LINGO1: variants seen among roughly 807,000 people sequenced by gnomAD.
LINGO1 encodes the protein leucine-rich repeat and immunoglobulin-like domain-containing nogo receptor-interacting protein 1.
Under a neutral mutation model 37.3 loss-of-function variants are expected in LINGO1, and 11 were observed. That is an observed-to-expected ratio of 0.29 (90% CI 0.19 to 0.49). The LOEUF is 0.49. LINGO1 is among the 20% of genes least tolerant of loss of function. The probability of loss-of-function intolerance (pLI) is 0.99; values close to 1 mark genes in which losing one functional copy is unlikely to be tolerated. For missense variants in LINGO1, 585 were observed against 878.2 expected (o/e 0.67, Z 4.22); for synonymous variants, 387 against 403.0 (o/e 0.96, Z 0.48).
intron 1 of LINGO1, among the ~76,000 whole-genome samples, chr15:77,772,312 C>T (rs1266027557): frequency 1.3e-5 from 2 of 152,200 alleles, no homozygotes; most frequent in Non-Finnish European, 2.9e-5. Flanking sequence ...CCAACCTCAC[C>T]CACCAACCCT....
chr15:77,752,717 G>T (rs1299405666), intron 1 of LINGO1, among the ~76,000 whole-genome samples: 1 of 152,180 alleles, frequency 6.6e-6, no homozygotes, highest in Non-Finnish European at 1.5e-5. Context: ...CACTGTAGAG[G>T]GGAGGGGAAT....
chr15:77,815,578 G>A lies in LINGO1; in HGVS notation c.-458+4680C>T, dbSNP rs563547262. On this transcript the variant is annotated intron_variant, in intron 1 of 5. Coordinates refer to the LINGO1 transcript ENST00000562933. The stretch of plus-strand genomic sequence containing the variant: ...CTGAGGCAGACCCATGGGCCTCAGC[G>A]GCTTACTGAAGTGCACACAGTGGCA... Among the ~76,000 whole-genome samples, 14 of 152,238 alleles carry A rather than the reference G, an allele frequency of 9.2e-5. No homozygotes were observed. In the South Asian group the frequency reaches 1.7e-3, roughly 18 times the overall value.
At chr15:77,622,297 G>C (rs1331704316) in intron 1 of LINGO1, among the ~76,000 whole-genome samples, 2 of 152,066 alleles carry the variant, frequency 1.3e-5, no homozygotes, top group African/African-American at 4.8e-5. Context: ...AAGCAGAGTG[G>C]GGGGAGGGGA....
rs191513300 is a variant in LINGO1 at position 77,724,639 on chromosome 15, C to T, written c.-195+10353G>A. Among the ~76,000 whole-genome samples, 322 of 152,308 alleles carry T rather than the reference C, an allele frequency of 2.1e-3. 3 individuals carry two copies. Among genetic ancestry groups the T allele is most frequent in the African/African-American group, 7.3e-3 (303 of 41,550 alleles). The stretch of plus-strand genomic sequence containing the variant: ...GTGGAGATAATAAGGTCAGCACCCA[C>T]TTCATGGGCTATGGTGAGGAATGGA... On this transcript the variant is annotated intron_variant, in intron 2 of 3. Transcript: ENST00000561686.
chr15:77,711,867 T>C (rs1218821848), intron 2 of LINGO1, among the ~76,000 whole-genome samples: 10 of 141,824 alleles, frequency 7.1e-5, no homozygotes, highest in African/African-American at 2.3e-4. Context: ...TCTCTAGGCC[T>C]CTGTTCTCTC....
rs1017304074 is a variant in LINGO1 at position 77,676,575 on chromosome 15, A to C, written c.-13+514T>G. Among the ~76,000 whole-genome samples the C allele has an allele frequency of 2.6e-5, 4 of 152,156 alleles. No individual in the cohort carries two copies. The East Asian group carries it at 7.7e-4, about 29-fold the overall frequency. The stretch of plus-strand genomic sequence containing the variant: ...CACCACAGAGGGGGACTGAAAGTTG[A>C]GACAGGCTCGCTCCGGGTGCTGACG... On this transcript the variant is annotated intron_variant, in intron 3 of 3. Transcript: ENST00000559893.
At chr15:77,776,526 A>AGGGAGTAAGGGAGGG (rs1567577777) in intron 1 of LINGO1, among the ~76,000 whole-genome samples, 1 of 35,754 alleles carries the variant, frequency 2.8e-5, no homozygotes, top group African/African-American at 1.0e-4. Context: ...GGAAGGGAGG[A>AGGGAGTAAGGGAGGG]AGGGAGGGAG....
intron 2 of LINGO1, among the ~76,000 whole-genome samples, chr15:77,732,405 G>A (rs34828064): frequency 0.098 from 14,965 of 152,294 alleles, 796 homozygotes; most frequent in African/African-American, 0.13. Context: ...CCACCCCCGT[G>A]GTTCTGCTCC....
chr15:77,804,782 C>T (rs528274998), intron 1 of LINGO1, among the ~76,000 whole-genome samples: 1 of 152,322 alleles, frequency 6.6e-6, no homozygotes, highest in South Asian at 2.1e-4. Context: ...CTGGGCTGTC[C>T]CACACTGCTA....
At chr15:77,790,384 G>T (rs2076809055), upstream of LINGO1, among the ~76,000 whole-genome samples, 1 of 152,226 alleles carries the variant, frequency 6.6e-6, no homozygotes. Context: ...ATAAGGAGGA[G>T]ATGGGATGTA....
intron 1 of LINGO1, among the ~76,000 whole-genome samples, chr15:77,807,813 G>A (rs2076972436): frequency 6.6e-6 from 1 of 152,140 alleles, no homozygotes; most frequent in South Asian, 2.1e-4. Context: ...GCAACAGAGC[G>A]AGCGCCCGGC....
At chr15:77,629,280 T>G (rs918487638) in intron 1 of LINGO1, among the ~76,000 whole-genome samples, 1 of 149,026 alleles carries the variant, frequency 6.7e-6, no homozygotes, top group Non-Finnish European at 1.5e-5. Context: ...CCAGGGATAT[T>G]CATTCGTTCG....
At chr15:77,791,278 A>G (rs957116823), upstream of LINGO1, among the ~76,000 whole-genome samples, 1 of 152,150 alleles carries the variant, frequency 6.6e-6, no homozygotes, top group Non-Finnish European at 1.5e-5. Context: ...GCTGAGGATC[A>G]TGACATTGCT....
At chr15:77,787,633 C>T (rs1340987765), upstream of LINGO1, among the ~76,000 whole-genome samples, 1 of 152,104 alleles carries the variant, frequency 6.6e-6, no homozygotes, top group Non-Finnish European at 1.5e-5. Context: ...CTGCCAACCG[C>T]TGAGCGGAAA....
At chr15:77,714,272 T>C (rs1450170672) in intron 2 of LINGO1, among the ~76,000 whole-genome samples, 1 of 151,990 alleles carries the variant, frequency 6.6e-6, no homozygotes, top group East Asian at 1.9e-4. Flanking sequence ...ATGGTTACCA[T>C]TTTGACCTAG....
At chr15:77,801,691 A>G (rs2076920082) in intron 1 of LINGO1, among the ~76,000 whole-genome samples, 1 of 151,980 alleles carries the variant, frequency 6.6e-6, no homozygotes, top group Non-Finnish European at 1.5e-5. Flanking sequence ...CCATCCATTC[A>G]GCCCCATCCA....
chr15:77,728,543 C>A (rs963469387), intron 2 of LINGO1, among the ~76,000 whole-genome samples: 1 of 152,344 alleles, frequency 6.6e-6, no homozygotes, highest in Non-Finnish European at 1.5e-5. Context: ...AGCTCCAGCT[C>A]CAGCTTGGGG....
chr15:77,804,413 G>A (rs2076943103), intron 1 of LINGO1, among the ~76,000 whole-genome samples: 2 of 152,176 alleles, frequency 1.3e-5, no homozygotes, highest in African/African-American at 2.4e-5. Context: ...AGAAGTAGAT[G>A]GCCAGAGAGG....
Position 77,618,154 on chromosome 15 carries a change from G to A in LINGO1, c.7-2254C>T, listed in dbSNP as rs558933323. On this transcript the variant is annotated intron_variant, in intron 1 of 1. Coordinates refer to ENST00000355300, the MANE Select transcript of LINGO1 (RefSeq NM_032808.7). ...ATAGGACTTTTAGCATCCAGCTCAGGGCCAGGCTGGCGGGTGGGGGGAGCT... is the reference window on the plus strand; with the variant it reads ...ATAGGACTTTTAGCATCCAGCTCAGAGCCAGGCTGGCGGGTGGGGGGAGCT... 2.6e-5 allele frequency among the ~76,000 whole-genome samples: 4 copies of A among 152,366 alleles called. No individual in the cohort carries two copies. In the South Asian group the frequency reaches 8.3e-4, roughly 32 times the overall value.
Sources: allele counts gnomAD v4.1 joint callset (sites outside exome capture counted in the v4.1 genomes callset), GRCh38; gene constraint gnomAD v4.1.1; transcripts MANE v1.5; gene names NCBI Gene and HGNC (gene_info 2026-07-23, HGNC 2026-07-21).